The following RUFY3 variants were observed in gnomAD, a reference collection of about 807,000 sequenced individuals.
RUFY3 encodes the protein protein RUFY3.
RUFY3 carries 34 observed loss-of-function variants against 84.0 expected under a neutral mutation model. The observed-to-expected ratio is 0.40, with a 90% CI of 0.31 to 0.54. The LOEUF (loss-of-function observed/expected upper bound fraction) is 0.54. Among genes scored for constraint, RUFY3 ranks in the 20% least tolerant of loss-of-function variants. The probability of loss-of-function intolerance (pLI) is 0.39; values close to 1 mark genes in which losing one functional copy is unlikely to be tolerated. For missense variants in RUFY3, 507 were observed against 736.8 expected (o/e 0.69, Z 3.61); for synonymous variants, 242 against 252.9 (o/e 0.96, Z 0.41).
intron 17 of RUFY3, among the ~76,000 whole-genome samples, chr4:70,806,037 T>C (rs1002634896): frequency 8.5e-5 from 13 of 152,202 alleles, no homozygotes; most frequent in African/African-American, 3.1e-4. Context: ...GTGGATGTGC[T>C]TACAGAGCAC....
intron 14 of RUFY3, among the ~76,000 whole-genome samples, chr4:70,797,510 T>C (rs1244821524): frequency 6.6e-6 from 1 of 152,146 alleles, no homozygotes; most frequent in African/African-American, 2.4e-5. Context: ...TATGTGGAAA[T>C]TTATTAAATA....
chr4:70,763,793 T>A, intron 3 of RUFY3, 124 bp downstream of exon 3: 3 of 1,196,516 alleles, frequency 2.5e-6, no homozygotes, highest in Non-Finnish European at 3.5e-6. Context: ...ATGCATGATG[T>A]CATGAATAGG....
chr4:70,804,251 T>C, intron 16 of RUFY3, 97 bp from the exon 17 acceptor site: 1 of 922,698 alleles, frequency 1.1e-6, no homozygotes, highest in Admixed American at 2.0e-5. Flanking sequence ...TAGTCTATAG[T>C]GTGATTATAT....
intron 14 of RUFY3, among the ~76,000 whole-genome samples, chr4:70,799,144 CAAAA>C (rs547398917): frequency 3.1e-5 from 2 of 64,154 alleles, no homozygotes; most frequent in African/African-American, 5.5e-5. Flanking sequence ...GACTCCGTCT[CAAAA>C]AAAAAAAAAA....
intron 8 of RUFY3, among the ~76,000 whole-genome samples, chr4:70,781,124 T>G (rs1440204888): frequency 6.7e-6 from 1 of 149,886 alleles, no homozygotes; most frequent in Non-Finnish European, 1.5e-5. Context: ...ATAGCAGACC[T>G]CTTTTCCCCT....
chr4:70,776,717 A>G (rs2148751855), intron 7 of RUFY3, among the ~76,000 whole-genome samples: 1 of 152,364 alleles, frequency 6.6e-6, no homozygotes, highest in South Asian at 2.1e-4. Context: ...CAGAGCTTAC[A>G]GTAAGCCGAG....
At chr4:70,729,099 T>C (rs1718784719) in intron 1 of RUFY3, among the ~76,000 whole-genome samples, 1 of 152,180 alleles carries the variant, frequency 6.6e-6, no homozygotes, top group Admixed American at 6.5e-5. Flanking sequence ...GATTTGGCAA[T>C]TCGTGTTTTA....
chr4:70,759,687 T>A (rs1455507791), intron 1 of RUFY3, among the ~76,000 whole-genome samples: 1 of 152,226 alleles, frequency 6.6e-6, no homozygotes, highest in African/African-American at 2.4e-5. Context: ...CAGCATTTTT[T>A]ATTTTTTGTC....
intron 7 of RUFY3, among the ~76,000 whole-genome samples, chr4:70,777,195 T>G (rs958888133): frequency 2.0e-5 from 3 of 152,196 alleles, no homozygotes; most frequent in African/African-American, 7.2e-5. Context: ...TCTTACCTAT[T>G]TTTGAACCAC....
Position 70,784,828 on chromosome 4 carries a change from A to C in RUFY3, c.1020A>C (p.Gln340His). The C allele has an allele frequency of 6.2e-7, 1 of 1,607,134 alleles. No individual in the cohort carries two copies. Among genetic ancestry groups the C allele is most frequent in the East Asian group, 2.2e-5 (1 of 44,524 alleles). ...AGCAAGACAGAACTGCAGAAGGGCA[A>C]GCACTAAGTGAAGCAAGAAAGCATT... ...GPKQDRTAEG[Q>H]ALSEARKHLK... Residue 340 changes from glutamine (Q) to histidine (H), a missense_variant, in exon 10 of 18, where the codon CAA (glutamine) becomes CAC (histidine). By Grantham distance (24) the Gln-to-His change is conservative (BLOSUM62 0). Coordinates refer to ENST00000381006, the MANE Select transcript of RUFY3 (RefSeq NM_001037442.4).
intron 1 of RUFY3, among the ~76,000 whole-genome samples, chr4:70,710,683 AAAAG>A (rs1740879930): frequency 6.6e-6 from 1 of 152,142 alleles, no homozygotes; most frequent in Admixed American, 6.5e-5. Flanking sequence ...AAAACAAAAA[AAAAG>A]AAAAAGAAAA....
chr4:70,805,638 C>G (rs905646854), intron 17 of RUFY3, among the ~76,000 whole-genome samples: 1 of 152,154 alleles, frequency 6.6e-6, no homozygotes, highest in Non-Finnish European at 1.5e-5. Flanking sequence ...CTGGAAGTTA[C>G]AATTATAGAA....
intron 8 of RUFY3, among the ~76,000 whole-genome samples, chr4:70,779,733 C>T (rs533361646): frequency 2.0e-5 from 3 of 151,994 alleles, no homozygotes; most frequent in Non-Finnish European, 4.4e-5. Flanking sequence ...CAGGCACACA[C>T]CACCACACCT....
At chr4:70,758,405 A>C (rs1339881614) in intron 1 of RUFY3, among the ~76,000 whole-genome samples, 2 of 152,050 alleles carry the variant, frequency 1.3e-5, no homozygotes, top group Non-Finnish European at 2.9e-5. Context: ...CCAACATGGG[A>C]GGATGGCTTG....
chr4:70,778,084 T>C (rs1288397539), intron 7 of RUFY3, among the ~76,000 whole-genome samples: 2 of 151,992 alleles, frequency 1.3e-5, no homozygotes, highest in African/African-American at 2.4e-5. Flanking sequence ...AATACAAAAA[T>C]TAGCTGGATT....
intron 13 of RUFY3, 87 bp downstream of exon 13, chr4:70,793,991 C>A: frequency 2.0e-6 from 3 of 1,471,740 alleles, no homozygotes; most frequent in Non-Finnish European, 2.8e-6. Context: ...TGACTTCCAG[C>A]CAGGTTGGCT....
At chr4:70,738,772 A>G (rs993363252) in intron 1 of RUFY3, among the ~76,000 whole-genome samples, 12 of 148,688 alleles carry the variant, frequency 8.1e-5, no homozygotes, top group Admixed American at 4.7e-4. Context: ...ATTTGTTTTT[A>G]TTTTATATTA....
At chr4:70,755,257 A>AT (rs756888668) in intron 1 of RUFY3, among the ~76,000 whole-genome samples, 17 of 152,358 alleles carry the variant, frequency 1.1e-4, no homozygotes, top group Admixed American at 3.3e-4. Context: ...CTTATATAAG[A>AT]TAAAAGCTTT....
intron 1 of RUFY3, among the ~76,000 whole-genome samples, chr4:70,713,870 CT>C (rs1741276613): frequency 1.3e-5 from 2 of 152,154 alleles, no homozygotes; most frequent in South Asian, 4.1e-4. Flanking sequence ...CTCACATCTC[CT>C]TTTTACTTTC....
Sources: gnomAD v4.1 joint callset for allele counts (sites outside exome capture counted in the v4.1 genomes callset) on GRCh38, gnomAD v4.1.1 for gene constraint, MANE v1.5 for transcripts, NCBI Gene and HGNC (gene_info 2026-07-23, HGNC 2026-07-21) for gene names.